The following ADCY9 variants were observed in gnomAD, a reference collection of about 807,000 sequenced individuals.
The protein encoded by ADCY9 is adenylate cyclase type 9.
In ADCY9, 50 loss-of-function variants were observed where a neutral mutation model predicts 101.5. That is an observed-to-expected ratio of 0.49 (90% confidence interval 0.39 to 0.62). The LOEUF (loss-of-function observed/expected upper bound fraction) is 0.62, where lower values mean the gene tolerates loss of function less well. Ranked by LOEUF, ADCY9 falls within the 20% of genes least tolerant of loss-of-function variation. The pLI, the probability that ADCY9 is intolerant of heterozygous loss-of-function variation, is 0.00. For synonymous variants in ADCY9, 905 were observed against 769.3 expected, an observed-to-expected ratio of 1.18 and a Z score of -2.92; for missense variants, 1,662 against 1,800.4, an observed-to-expected ratio of 0.92 and a Z score of 1.39.
At chr16:3,976,795 T>A (rs568162858) in intron 9 of ADCY9, among the ~76,000 whole-genome samples, 2 of 152,266 alleles carry the variant, frequency 1.3e-5, no homozygotes, top group Admixed American at 1.3e-4. Context: ...GTAGCTGCGA[T>A]TACAGGTGCA....
chr16:4,013,927 C>T (rs2056420472), intron 2 of ADCY9, among the ~76,000 whole-genome samples: 1 of 152,184 alleles, frequency 6.6e-6, no homozygotes, highest in South Asian at 2.1e-4. Context: ...CATAAATAAT[C>T]ATAAGAACTG....
At chr16:4,035,761 T>G (rs1446919333) in intron 2 of ADCY9, among the ~76,000 whole-genome samples, 1 of 151,924 alleles carries the variant, frequency 6.6e-6, no homozygotes, top group Non-Finnish European at 1.5e-5. Flanking sequence ...CACTTTGGGA[T>G]GCCGAGGCAG....
rs60235272 is a variant in ADCY9, at chr16:4,052,522, G to A, written c.1694-44964C>T. On this transcript the variant is annotated intron_variant, in intron 2 of 10. Coordinates refer to ENST00000294016, the MANE Select transcript of ADCY9 (RefSeq NM_001116.4). ...TGTTAATTCAGGGAATCTGGGTGAA[G>A]AGTATTTGGGAATTCTTTATACTGT... 6.6e-4 allele frequency among the ~76,000 whole-genome samples: 101 copies of A among 152,328 alleles called. 1 individual carries two copies. In the East Asian group the frequency reaches 0.018, roughly 27 times the overall value.
At chr16:3,957,957 T>C (rs941969735), downstream of ADCY9, among the ~76,000 whole-genome samples, 2 of 151,826 alleles carry the variant, frequency 1.3e-5, no homozygotes, top group Non-Finnish European at 2.9e-5. Context: ...TTTTGTTTGA[T>C]GAGAAAATAA....
chr16:4,086,768 T>A (rs76278385), intron 2 of ADCY9, among the ~76,000 whole-genome samples: 6,691 of 152,146 alleles, frequency 0.044, 524 homozygotes, highest in African/African-American at 0.15. Context: ...CAAACGATCC[T>A]CCTGCCTCAG....
intron 10 of ADCY9, 25 bp downstream of exon 10, chr16:3,974,644 C>G: frequency 6.3e-7 from 1 of 1,599,824 alleles, no homozygotes; most frequent in East Asian, 2.2e-5. Context: ...TTTATTCAGA[C>G]AGAAGTGCAA....
chr16:4,070,219 G>A (rs1163904467), intron 2 of ADCY9, among the ~76,000 whole-genome samples: 1 of 150,998 alleles, frequency 6.6e-6, no homozygotes, highest in East Asian at 1.9e-4. Context: ...CTCACTGTTT[G>A]TTGTATAGAA....
At chr16:4,097,034 C>G (rs1239521654) in intron 2 of ADCY9, among the ~76,000 whole-genome samples, 1 of 152,082 alleles carries the variant, frequency 6.6e-6, no homozygotes, top group Non-Finnish European at 1.5e-5. Context: ...TTACCAGGAG[C>G]TACAATATTA....
chr16:4,087,817 T>C (rs1194745340), intron 2 of ADCY9, among the ~76,000 whole-genome samples: 1 of 149,596 alleles, frequency 6.7e-6, no homozygotes, highest in African/African-American at 2.5e-5. Context: ...TTTTCTTTCT[T>C]TCTCTCTCTC....
At chr16:3,961,603 G>A (rs1391240735), downstream of ADCY9, among the ~76,000 whole-genome samples, 1 of 152,136 alleles carries the variant, frequency 6.6e-6, no homozygotes, top group Non-Finnish European at 1.5e-5. Flanking sequence ...ATTGGCCCCG[G>A]GCTCCAGCAG....
intron 2 of ADCY9, among the ~76,000 whole-genome samples, chr16:4,010,215 G>T (rs1010022760): frequency 2.0e-5 from 3 of 152,190 alleles, no homozygotes; most frequent in Admixed American, 2.0e-4. Context: ...CCAGGAAGGG[G>T]CCCTCACCCA....
chr16:3,982,949 C>T, intron 7 of ADCY9: 1 of 505,232 alleles, frequency 2.0e-6, no homozygotes, highest in South Asian at 3.3e-5. Flanking sequence ...TCACCTTCTC[C>T]TTTGCAGTCT....
chr16:4,045,410 C>T (rs1430319920), intron 2 of ADCY9, among the ~76,000 whole-genome samples: 1 of 151,784 alleles, frequency 6.6e-6, no homozygotes, highest in East Asian at 1.9e-4. Context: ...GCCTGACTAA[C>T]ATGGTGAAAC....
chr16:4,000,126 G>A (rs1269015620), intron 3 of ADCY9, among the ~76,000 whole-genome samples: 2 of 152,212 alleles, frequency 1.3e-5, no homozygotes, highest in Non-Finnish European at 2.9e-5. Flanking sequence ...TTAACATGGT[G>A]AGCAGGAATA....
At chr16:4,092,300 G>T (rs1193725863) in intron 2 of ADCY9, among the ~76,000 whole-genome samples, 9 of 152,114 alleles carry the variant, frequency 5.9e-5, no homozygotes, top group African/African-American at 2.2e-4. Context: ...AACCAAGTAG[G>T]AAGAAATGTG....
intron 2 of ADCY9, among the ~76,000 whole-genome samples, chr16:4,077,576 G>C (rs1379216043): frequency 2.0e-5 from 3 of 152,070 alleles, no homozygotes; most frequent in Admixed American, 2.0e-4. Context: ...CCTAAGCAGA[G>C]AATAGGCATA....
intron 2 of ADCY9, among the ~76,000 whole-genome samples, chr16:4,015,155 A>C (rs1232255397): frequency 1.3e-5 from 2 of 151,024 alleles, no homozygotes; most frequent in African/African-American, 4.9e-5. Context: ...GTTAGCCAGG[A>C]TGGTCTCGAT....
intron 10 of ADCY9, among the ~76,000 whole-genome samples, chr16:3,972,091 T>C (rs956733649): frequency 2.0e-5 from 3 of 152,326 alleles, no homozygotes; most frequent in African/African-American, 7.2e-5. Context: ...ACAGAAGGCA[T>C]CTGTAAGAAA....
chr16:4,114,517 G>A lies in ADCY9; in HGVS notation c.926C>T (p.Thr309Ile), dbSNP rs556349980. 6.8e-6 allele frequency: 11 copies of A among 1,614,148 alleles called. No individual in the cohort carries two copies. Among genetic ancestry groups the A allele is most frequent in the South Asian group, 3.3e-5 (3 of 91,084 alleles). The change falls in exon 2 of 11, where the codon ACC becomes ATC. Residue 309 changes from threonine (T) to isoleucine (I), a missense_variant. Physicochemically the swap from Thr to Ile is moderately conservative, Grantham distance 89 (BLOSUM62 -1). Transcript: ENST00000294016. The surrounding 1 kb of genome is among the most constrained non-coding windows in gnomAD (Gnocchi z 4.3). ...AATGGATTGCCCCACCTTGAGGAAG[G>A]TGCTCCTGGACCTCACCTGGGACAT... ...FVMSQVRSRS[T>I]FLKVGQSIMH...
Sources: gnomAD v4.1 joint callset for allele counts (sites outside exome capture counted in the v4.1 genomes callset) on GRCh38, gnomAD v4.1.1 for gene constraint, Gnocchi (gnomAD v3.1) non-coding constraint, MANE v1.5 for transcripts, NCBI Gene and HGNC (gene_info 2026-07-23, HGNC 2026-07-21) for gene names.